The following FABP4 variants were observed in gnomAD, a reference collection of about 807,000 sequenced individuals.
The protein encoded by FABP4 is fatty acid binding protein 4, also known as fatty acid-binding protein, adipocyte.
Under a neutral mutation model 14.6 loss-of-function variants are expected in FABP4, and 17 were observed. The observed-to-expected ratio is 1.16, with a 90% CI of 0.80 to 1.74. The LOEUF (loss-of-function observed/expected upper bound fraction) is 1.74. FABP4 is among the 40% of genes most tolerant of loss of function. FABP4 has a pLI of 0.00. For missense variants in FABP4, 149 were observed against 160.3 expected, an observed-to-expected ratio of 0.93 and a Z score of 0.38; for synonymous variants, 54 against 54.6, an observed-to-expected ratio of 0.99 and a Z score of 0.05.
intron 2 of FABP4, 96 bp downstream of exon 2, chr8:81,480,329 TA>T (rs2129795779): frequency 8.1e-7 from 1 of 1,233,982 alleles, no homozygotes; most frequent in South Asian, 1.6e-5. Flanking sequence ...TGGCTTATGA[TA>T]AAATGGTGTT....
rs1471389574 is a variant in FABP4 at position 81,479,336 on chromosome 8, C to A, written c.348+78G>T. Reference sequence around the variant, plus strand: ...TGTTTCAGATAATCAAAAGGAAAATCTGTTTCCTTAAGTGGAATAGTGATC... The same window carrying A: ...TGTTTCAGATAATCAAAAGGAAAATATGTTTCCTTAAGTGGAATAGTGATC... On this transcript the variant is annotated intron_variant, in intron 3 of 3. Transcript: ENST00000256104. 5 of 1,127,266 alleles carry A rather than the reference C, an allele frequency of 4.4e-6. No individual in the cohort carries two copies. In the Admixed American group the frequency reaches 6.1e-5, roughly 14 times the overall value. 69.8% of individuals were successfully genotyped at this position (1,127,266 alleles called of 1,614,324 possible).
intron 1 of FABP4, among the ~76,000 whole-genome samples, chr8:81,481,857 A>G (rs1563528536): frequency 6.6e-6 from 1 of 152,174 alleles, no homozygotes; most frequent in East Asian, 1.9e-4. Flanking sequence ...GATGATGAAG[A>G]CAATACCTGC....
Position 81,479,625 on chromosome 8 carries a change from T to C in FABP4, c.247-110A>G, listed in dbSNP as rs371997414. 30 of 689,642 alleles carry C rather than the reference T, an allele frequency of 4.4e-5. No individual in the cohort carries two copies. In the East Asian group the frequency reaches 6.3e-4, roughly 15 times the overall value. The allele number at this position is 689,642 out of a possible 1,614,324, so 42.7% of individuals were successfully genotyped here. ...TTTTGAGGTCATTAGTAATTCTAAA[T>C]GACAAGAATATATTGCAACAAGAAA... On this transcript the variant is annotated intron_variant, in intron 2 of 3. Coordinates refer to ENST00000256104, the MANE Select transcript of FABP4 (RefSeq NM_001442.3).
At chr8:81,481,270 T>C (rs1221303910) in intron 1 of FABP4, among the ~76,000 whole-genome samples, 2 of 152,190 alleles carry the variant, frequency 1.3e-5, no homozygotes, top group Non-Finnish European at 2.9e-5. Context: ...AATGGTGATA[T>C]CATTGCTAAT....
At position 81,479,468 on chromosome 8, in the gene FABP4, C is replaced by T. The variant is rs150131014; in HGVS notation, c.294G>A (p.Trp98Ter). 11 of 1,613,330 alleles carry T rather than the reference C, an allele frequency of 6.8e-6. No individual in the cohort carries two copies. Among genetic ancestry groups the T allele is most frequent in the East Asian group, 4.5e-5 (2 of 44,858 alleles). ...TCTTTATGGTGGTTGATTTTCCATC[C>T]CATTTCTGCACATGTACCAGGACAC... ...DGGVLVHVQK[W>*]DGKSTTIKRK... Residue 98 changes from tryptophan to a stop codon, truncating the protein, a stop_gained, in exon 3 of 4, where the codon TGG becomes TGA. Transcript: ENST00000256104. LOFTEE classifies it high-confidence loss of function.
Position 81,483,172 on chromosome 8 carries a change from T to C in FABP4, c.-5A>G. The C allele has an allele frequency of 1.2e-6, 2 of 1,607,964 alleles. No individual in the cohort carries two copies. The highest frequency in any genetic ancestry group is 1.7e-6 in the Non-Finnish European group (2 of 1,177,410). On this transcript the variant is annotated 5_prime_UTR_variant, in exon 1 of 4. Transcript: ENST00000256104. ...ACCTACAAAAGCATCACACATTTTG[T>C]GAGTTTTCTAGGATTATTCTTCAAG...
At position 81,483,164 on chromosome 8, in the gene FABP4, A is replaced by T; in HGVS notation, c.4T>A (p.Cys2Ser). Residue 2 changes from cysteine (C) to serine (S), a missense_variant, in exon 1 of 4, where the codon TGT becomes AGT. Coordinates refer to ENST00000256104, the MANE Select transcript of FABP4 (RefSeq NM_001442.3). Reference sequence around the variant, plus strand: ...TTCCAGGTACCTACAAAAGCATCACACATTTTGTGAGTTTTCTAGGATTAT... The same window carrying T: ...TTCCAGGTACCTACAAAAGCATCACTCATTTTGTGAGTTTTCTAGGATTAT... M[C>S]DAFVGTWKLV... The T allele has an allele frequency of 6.2e-7, 1 of 1,608,930 alleles. No homozygotes were observed. The highest frequency in any genetic ancestry group is 8.5e-7 in the Non-Finnish European group (1 of 1,177,754).
At chr8:81,481,166 C>A (rs1808074307) in intron 1 of FABP4, among the ~76,000 whole-genome samples, 1 of 152,132 alleles carries the variant, frequency 6.6e-6, no homozygotes, top group Non-Finnish European at 1.5e-5. Context: ...GTCTACTTTT[C>A]TGTGCTTCTT....
chr8:81,480,079 C>T (rs1295636986), intron 2 of FABP4: 2 of 179,342 alleles, frequency 1.1e-5, no homozygotes, highest in Non-Finnish European at 2.3e-5. Context: ...TGTGATGGCA[C>T]ACAGCTGTAT....
At position 81,478,679 on chromosome 8, in the gene FABP4, T is replaced by C. The variant is rs1187728770; in HGVS notation, c.*186A>G. The C allele has an allele frequency of 1.9e-6, 1 of 514,204 alleles. No individual in the cohort carries two copies. Among genetic ancestry groups the C allele is most frequent in the African/African-American group, 1.9e-5 (1 of 52,306 alleles). The allele number at this position is 514,204 out of a possible 1,614,324, so 31.9% of individuals were successfully genotyped here. On this transcript the variant is annotated 3_prime_UTR_variant, in exon 4 of 4. Coordinates refer to ENST00000256104, the MANE Select transcript of FABP4 (RefSeq NM_001442.3). ...CATCATAAGCACAATGAATACATCA[T>C]TACATCACCTTCTAAATCTAAAAAA...
chr8:81,479,227 A>T (rs955207800), intron 3 of FABP4, among the ~76,000 whole-genome samples, 187 bp downstream of exon 3: 2 of 152,176 alleles, frequency 1.3e-5, no homozygotes, highest in East Asian at 3.9e-4. Flanking sequence ...AATGCTTCCT[A>T]GAAGACAGCA....
chr8:81,481,486 A>C (rs528445412), intron 1 of FABP4, among the ~76,000 whole-genome samples: 5 of 152,338 alleles, frequency 3.3e-5, no homozygotes, highest in South Asian at 2.1e-4. Context: ...CTAACATAGC[A>C]GTAACTTGCT....
At chr8:81,480,404 G>C in intron 2 of FABP4, 22 bp downstream of exon 2, 2 of 1,610,416 alleles carry the variant, frequency 1.2e-6, no homozygotes, top group Non-Finnish European at 1.7e-6. Flanking sequence ...CATGTACTCT[G>C]TGCCACTTCC....
At chr8:81,479,598 T>C in intron 2 of FABP4, 83 bp from the exon 3 acceptor site, 2 of 887,614 alleles carry the variant, frequency 2.3e-6, no homozygotes, top group Non-Finnish European at 3.6e-6. Flanking sequence ...TTCAAAGGAA[T>C]ATTTTGAGGT....
rs201471850 is a variant in FABP4, at chr8:81,480,552, G to A, written c.120C>T (p.Asn40=). The change falls in exon 2 of 4, where the codon AAC becomes AAT. Residue 40 remains asparagine (N), a synonymous_variant. Transcript: ENST00000256104. ...TRKVAGMAKP[N]MIISVNGDVI... ...CATCCCCATTCACACTGATGATCAT[G>A]TTAGGTTTGGCCATGCCAGCCACTT... 2 of 1,613,150 alleles carry A rather than the reference G, an allele frequency of 1.2e-6. No individual in the cohort carries two copies. The highest frequency in any genetic ancestry group is 8.5e-7 in the Non-Finnish European group (1 of 1,179,544).
chr8:81,482,049 G>A (rs1023069982), intron 1 of FABP4, among the ~76,000 whole-genome samples: 1 of 152,004 alleles, frequency 6.6e-6, no homozygotes, highest in African/African-American at 2.4e-5. Flanking sequence ...CTGCATCAGT[G>A]CATATTAATT....
At chr8:81,479,610 A>AT in intron 2 of FABP4, 95 bp from the exon 3 acceptor site, 1 of 791,012 alleles carries the variant, frequency 1.3e-6, no homozygotes, top group Non-Finnish European at 2.1e-6. Flanking sequence ...TTTTGAGGTC[A>AT]TTAGTAATTC....
At chr8:81,480,777 A>T (rs1808067753) in intron 1 of FABP4, among the ~76,000 whole-genome samples, 179 bp from the exon 2 acceptor site, 1 of 151,874 alleles carries the variant, frequency 6.6e-6, no homozygotes, top group Admixed American at 6.6e-5. Context: ...TTAAAAAAAA[A>T]AAAAAAAGAA....
At chr8:81,480,167 C>A (rs976340393) in intron 2 of FABP4, among the ~76,000 whole-genome samples, 3 of 152,124 alleles carry the variant, frequency 2.0e-5, no homozygotes, top group Non-Finnish European at 2.9e-5. Context: ...TATGATTGTG[C>A]CATGTCACCG....
Sources: gnomAD v4.1 joint callset for allele counts (sites outside exome capture counted in the v4.1 genomes callset) on GRCh38, gnomAD v4.1.1 for gene constraint, MANE v1.5 for transcripts, NCBI Gene and HGNC (gene_info 2026-07-23, HGNC 2026-07-21) for gene names.